Variants in ARID4A observed in about 807,000 individuals in gnomAD.
ARID4A encodes AT-rich interaction domain 4A.
In ARID4A, 39 loss-of-function variants were observed where a neutral mutation model predicts 148.6. The ratio of observed to expected loss-of-function variants is 0.26; its 90% CI spans 0.20 to 0.34. The LOEUF is 0.34. Ranked by LOEUF, ARID4A falls within the 10% of genes least tolerant of loss-of-function variation. The pLI is 1.00. For synonymous variants in ARID4A, 475 were observed against 481.2 expected, an observed-to-expected ratio of 0.99 and a Z score of 0.17; for missense variants, 1,265 against 1,449.1, an observed-to-expected ratio of 0.87 and a Z score of 2.06.
intron 2 of ARID4A, 79 bp downstream of exon 2, chr14:58,299,939 T>A: frequency 6.3e-7 from 1 of 1,592,740 alleles, no homozygotes. Flanking sequence ...GAATGTCATT[T>A]GTTTTGCTAC....
chr14:58,309,852 G>C (rs926487475), intron 5 of ARID4A, among the ~76,000 whole-genome samples: 5 of 152,170 alleles, frequency 3.3e-5, no homozygotes, highest in South Asian at 2.1e-4. Flanking sequence ...GGTTATATCA[G>C]ATTTTGTGTA....
At chr14:58,299,925 C>T (rs2030993789) in intron 2 of ARID4A, 65 bp downstream of exon 2, 1 of 1,601,082 alleles carries the variant, frequency 6.2e-7, no homozygotes, top group Admixed American at 1.7e-5. Flanking sequence ...AGGCTAGTGC[C>T]GTGGAATGTC....
Position 58,364,916 on chromosome 14 carries a change from AAAG to A in ARID4A, c.2832_2834del (p.Glu944del). 6.2e-7 allele frequency: 1 copy of A among 1,614,174 alleles called. No individual in the cohort carries two copies. Among genetic ancestry groups the A allele is most frequent in the Non-Finnish European group, 8.5e-7 (1 of 1,180,008 alleles). On this transcript the variant is annotated inframe_deletion, in exon 20 of 24. Transcript: ENST00000355431. The stretch of plus-strand genomic sequence containing the variant: ...TGAAGAAACTGTAAATATTCCACTA[AAAG>A]AAGATGAGGATGCAATGCCTCTGAT...
intron 11 of ARID4A, among the ~76,000 whole-genome samples, chr14:58,342,912 T>TG (rs1336509162): frequency 6.9e-5 from 10 of 145,694 alleles, no homozygotes; most frequent in Non-Finnish European, 1.2e-4. Flanking sequence ...ACTCTGTCTT[T>TG]AAAAAAAAAA....
At chr14:58,323,436 CAAAT>C in intron 7 of ARID4A, 45 bp from the exon 8 acceptor site, 1 of 1,575,332 alleles carries the variant, frequency 6.3e-7, no homozygotes. Flanking sequence ...TACTCTGTAT[CAAAT>C]AATTGTTTGT....
chr14:58,305,101 T>C, intron 4 of ARID4A, 92 bp downstream of exon 4: 2 of 1,078,170 alleles, frequency 1.9e-6, no homozygotes, highest in Non-Finnish European at 2.7e-6. Flanking sequence ...TAACATTTTA[T>C]GAGAACGTTA....
Position 58,364,156 on chromosome 14 carries a change from A to C in ARID4A, c.2081-14A>C. ...ATAAAAACCTGTATAATATAATAAT[A>C]TTTCCTCTTACAGACTCTTGTTCAT... On this transcript the variant is annotated splice_polypyrimidine_tract_variant and intron_variant, in intron 19 of 23. Transcript: ENST00000355431. 1.6e-6 allele frequency: 2 copies of C among 1,260,696 alleles called. No homozygotes were observed. Among genetic ancestry groups the C allele is most frequent in the Non-Finnish European group, 2.1e-6 (2 of 952,852 alleles). The allele number at this position is 1,260,696 out of a possible 1,614,324, so 78.1% of individuals were successfully genotyped here.
intron 7 of ARID4A, among the ~76,000 whole-genome samples, chr14:58,320,032 C>T (rs1055794766): frequency 2.0e-5 from 3 of 147,712 alleles, no homozygotes; most frequent in African/African-American, 7.5e-5. Context: ...ATTGCAGCCT[C>T]TGCCTCCCAG....
At chr14:58,365,488 T>TAA in intron 20 of ARID4A, 30 bp from the exon 21 acceptor site, 2 of 1,135,266 alleles carry the variant, frequency 1.8e-6, no homozygotes, top group Non-Finnish European at 1.2e-6. Context: ...TTTTTTTTTT[T>TAA]TCAACATTCT....
In ARID4A at chr14:58,372,972, G is replaced by C. The variant is rs890932485; in HGVS notation, c.*983G>C. Reference sequence around the variant, plus strand: ...ACTCTTTGGATGACAATAGCTCTCAGCTGTCCTTTTTACAGGAGGTTGCAT... The same window carrying C: ...ACTCTTTGGATGACAATAGCTCTCACCTGTCCTTTTTACAGGAGGTTGCAT... On this transcript the variant is annotated 3_prime_UTR_variant, in exon 24 of 24. Transcript: ENST00000355431. The C allele has an allele frequency of 3.1e-5, 6 of 191,052 alleles. No individual in the cohort carries two copies. The highest frequency in any genetic ancestry group is 1.4e-4 in the African/African-American group (6 of 43,082). The allele number at this position is 191,052 out of a possible 1,614,324, so 11.8% of individuals were successfully genotyped here. A position where few individuals can be genotyped will look rare whatever the true frequency, so the allele number is the denominator to read the frequency against.
intron 5 of ARID4A, among the ~76,000 whole-genome samples, chr14:58,311,387 A>ATT: frequency 6.6e-6 from 1 of 152,208 alleles, no homozygotes; most frequent in East Asian, 1.9e-4. Context: ...CTACAAAGAG[A>ATT]TTTTACCTCA....
chr14:58,345,677 G>T (rs1448252280), intron 12 of ARID4A, among the ~76,000 whole-genome samples: 2 of 146,834 alleles, frequency 1.4e-5, no homozygotes, highest in Non-Finnish European at 3.0e-5. Context: ...TGGAACCAGG[G>T]TATAAATCTT....
chr14:58,360,018 A>G (rs2035066277), intron 18 of ARID4A, among the ~76,000 whole-genome samples: 1 of 151,624 alleles, frequency 6.6e-6, no homozygotes, highest in Admixed American at 6.6e-5. Context: ...GTGAGCCAAG[A>G]TCGCGCCACT....
At chr14:58,316,506 A>T (rs1244318654) in intron 5 of ARID4A, among the ~76,000 whole-genome samples, 2 of 152,208 alleles carry the variant, frequency 1.3e-5, no homozygotes, top group African/African-American at 4.8e-5. Context: ...TGATTAGGAG[A>T]ATATTAGGGA....
At chr14:58,336,317 T>C (rs1340223676) in intron 11 of ARID4A, among the ~76,000 whole-genome samples, 2 of 152,342 alleles carry the variant, frequency 1.3e-5, no homozygotes, top group East Asian at 3.9e-4. Flanking sequence ...TTCTAAGCTA[T>C]ATATTGTCAA....
intron 5 of ARID4A, among the ~76,000 whole-genome samples, chr14:58,317,339 C>T (rs1248646624): frequency 7.1e-6 from 1 of 141,524 alleles, no homozygotes; most frequent in Non-Finnish European, 1.5e-5. Context: ...GGCTGGAGTG[C>T]AGTGGTGCAA....
chr14:58,330,288 C>T, intron 11 of ARID4A, 119 bp downstream of exon 11: 1 of 1,394,550 alleles, frequency 7.2e-7, no homozygotes, highest in Non-Finnish European at 9.5e-7. Context: ...CCGTTTCTAG[C>T]ATTGCTTAAT....
At position 58,303,343 on chromosome 14, in the gene ARID4A, G is replaced by A. The variant is rs534110463; in HGVS notation, c.118-1601G>A. The stretch of plus-strand genomic sequence containing the variant: ...TAGCCATTTGAAACAATGTGATATA[G>A]CATTGTTAACTACAGTCATCCTGCT... On this transcript the variant is annotated intron_variant, in intron 3 of 23. Coordinates refer to ENST00000355431, the MANE Select transcript of ARID4A (RefSeq NM_002892.4). 2.6e-5 allele frequency among the ~76,000 whole-genome samples: 4 copies of A among 152,226 alleles called. No homozygotes were observed. The East Asian group carries it at 7.7e-4, about 29-fold the overall frequency.
intron 16 of ARID4A, 166 bp downstream of exon 16, chr14:58,351,489 C>T (rs2034636274): frequency 5.4e-6 from 5 of 919,228 alleles, no homozygotes; most frequent in Middle Eastern, 5.7e-4. Context: ...TATTGCCTTT[C>T]GGAATTGGAG....
Sources: gnomAD v4.1 joint callset for allele counts (sites outside exome capture counted in the v4.1 genomes callset) on GRCh38, gnomAD v4.1.1 for gene constraint, MANE v1.5 for transcripts, NCBI Gene and HGNC (gene_info 2026-07-23, HGNC 2026-07-21) for gene names.